Variants in PARN observed in about 807,000 individuals in gnomAD.
The protein encoded by PARN is poly(A)-specific ribonuclease PARN.
PARN carries 71 observed loss-of-function variants against 102.8 expected under a neutral mutation model. That is an observed-to-expected ratio of 0.69 (90% CI 0.57 to 0.84). PARN has a LOEUF of 0.84. Among genes scored for constraint, PARN ranks in the 40% least tolerant of loss-of-function variants. The pLI is 0.00. For synonymous variants in PARN, 261 were observed against 252.9 expected, an observed-to-expected ratio of 1.03 and a Z score of -0.30; for missense variants, 782 against 760.9, an observed-to-expected ratio of 1.03 and a Z score of -0.33.
intron 23 of PARN, among the ~76,000 whole-genome samples, chr16:14,442,399 T>C (rs962520191): frequency 6.6e-6 from 1 of 152,152 alleles, no homozygotes; most frequent in Admixed American, 6.5e-5. Context: ...TACCTAGAAC[T>C]GCTTGGATGG....
chr16:14,539,468 G>A (rs947770738), intron 21 of PARN, among the ~76,000 whole-genome samples: 3 of 152,306 alleles, frequency 2.0e-5, no homozygotes, highest in East Asian at 3.9e-4. Context: ...TTATTGTCAC[G>A]CTCTTAAATC....
chr16:14,571,257 AC>A (rs1475531324), intron 18 of PARN, among the ~76,000 whole-genome samples: 1 of 150,842 alleles, frequency 6.6e-6, no homozygotes, highest in Non-Finnish European at 1.5e-5. Context: ...GGTGGCGGGC[AC>A]CTGTAATCCC....
At chr16:14,520,016 C>G (rs1965657513) in intron 21 of PARN, among the ~76,000 whole-genome samples, 3 of 152,004 alleles carry the variant, frequency 2.0e-5, no homozygotes, top group Admixed American at 2.0e-4. Flanking sequence ...ACCTGTGAAG[C>G]AGTCTTGCAG....
intron 11 of PARN, among the ~76,000 whole-genome samples, chr16:14,601,641 G>T (rs1018532998): frequency 6.6e-6 from 1 of 151,898 alleles, no homozygotes; most frequent in African/African-American, 2.4e-5. Flanking sequence ...TTTTTGGGGG[G>T]GTCAGGCATG....
At chr16:14,521,532 C>A (rs1965729165) in intron 21 of PARN, among the ~76,000 whole-genome samples, 1 of 152,206 alleles carries the variant, frequency 6.6e-6, no homozygotes, top group Non-Finnish European at 1.5e-5. Context: ...GGCACGGTGG[C>A]TCACGCCTGT....
At chr16:14,436,829 G>A in intron 23 of PARN, 57 bp from the exon 24 acceptor site, 1 of 1,270,866 alleles carries the variant, frequency 7.9e-7, no homozygotes, top group Non-Finnish European at 1.1e-6. Flanking sequence ...ACCTTGAGGA[G>A]AGCATGACAT....
chr16:14,519,752 T>C (rs962422853), intron 21 of PARN, among the ~76,000 whole-genome samples: 2 of 152,212 alleles, frequency 1.3e-5, no homozygotes, highest in African/African-American at 4.8e-5. Flanking sequence ...TGTCCATTTT[T>C]AGGCAAGAAT....
chr16:14,590,120 G>A (rs1241828752), intron 13 of PARN, among the ~76,000 whole-genome samples: 13 of 147,494 alleles, frequency 8.8e-5, no homozygotes, highest in Non-Finnish European at 1.8e-4. Context: ...GCATGGTGGC[G>A]GGCGCCTGTA....
chr16:14,537,619 C>T (rs1205941516), intron 21 of PARN, among the ~76,000 whole-genome samples: 2 of 152,148 alleles, frequency 1.3e-5, no homozygotes, highest in African/African-American at 4.8e-5. Flanking sequence ...GAATGAAATT[C>T]TGTCATTTAT....
At chr16:14,570,264 G>A (rs944839597) in intron 18 of PARN, among the ~76,000 whole-genome samples, 15 of 137,726 alleles carry the variant, frequency 1.1e-4, no homozygotes, top group African/African-American at 4.0e-4. Context: ...GCTTGAATCT[G>A]GGAGGTGGTA....
intron 12 of PARN, among the ~76,000 whole-genome samples, chr16:14,597,359 C>G (rs978927714): frequency 3.3e-5 from 5 of 152,136 alleles, no homozygotes; most frequent in Admixed American, 3.3e-4. Context: ...ATTAATTTCA[C>G]AGAACACAAA....
At chr16:14,446,847 T>C (rs756022292) in intron 23 of PARN, 41 bp downstream of exon 23, 3 of 1,445,248 alleles carry the variant, frequency 2.1e-6, no homozygotes, top group East Asian at 2.3e-5. Flanking sequence ...AGCATTTAAA[T>C]AGTCCACGGC....
At chr16:14,608,922 T>C (rs1255953005) in intron 8 of PARN, 136 bp downstream of exon 8, 5 of 623,780 alleles carry the variant, frequency 8.0e-6, no homozygotes, top group Admixed American at 6.2e-5. Flanking sequence ...CTAAAGTTAG[T>C]GTTTAATTCT....
rs995984962 is a variant in PARN at position 14,497,344 on chromosome 16, A to C, written c.1481-14517T>G. On this transcript the variant is annotated intron_variant, in intron 21 of 23. Coordinates refer to ENST00000437198, the MANE Select transcript of PARN (RefSeq NM_002582.4). ...TAATCAACAAAAGAACGTTTAGGAC[A>C]CAATCTCTTCACAGCCTGCGTGTAA... 4.6e-5 allele frequency among the ~76,000 whole-genome samples: 7 copies of C among 152,340 alleles called. No homozygotes were observed. In the East Asian group the frequency reaches 1.4e-3, roughly 29 times the overall value.
intron 21 of PARN, among the ~76,000 whole-genome samples, chr16:14,497,107 C>A (rs577030715): frequency 1.3e-5 from 2 of 152,136 alleles, no homozygotes; most frequent in Non-Finnish European, 2.9e-5. Flanking sequence ...CTAAACAATA[C>A]CTACTTTTAC....
intron 23 of PARN, among the ~76,000 whole-genome samples, chr16:14,442,408 G>A (rs1448351122): frequency 6.6e-6 from 1 of 152,142 alleles, no homozygotes; most frequent in East Asian, 1.9e-4. Context: ...CTGCTTGGAT[G>A]GAAAGTGGCT....
intron 18 of PARN, among the ~76,000 whole-genome samples, chr16:14,567,590 A>C (rs1007890422): frequency 7.2e-5 from 11 of 152,206 alleles, no homozygotes; most frequent in African/African-American, 2.4e-4. Context: ...AAATTAAAGG[A>C]TAACTACTAC....
chr16:14,585,139 A>G (rs979187794), intron 14 of PARN, among the ~76,000 whole-genome samples: 3 of 152,220 alleles, frequency 2.0e-5, no homozygotes, highest in Non-Finnish European at 1.5e-5. Context: ...AAATACTCTC[A>G]CATGGTTTTA....
chr16:14,559,573 C>T (rs921389995), intron 18 of PARN, among the ~76,000 whole-genome samples: 5 of 150,988 alleles, frequency 3.3e-5, no homozygotes, highest in African/African-American at 1.2e-4. Flanking sequence ...TCCAACGACA[C>T]TCTATTTAAA....
Sources: allele counts gnomAD v4.1 joint callset (sites outside exome capture counted in the v4.1 genomes callset), GRCh38; gene constraint gnomAD v4.1.1; transcripts MANE v1.5; gene names NCBI Gene and HGNC (gene_info 2026-07-23, HGNC 2026-07-21).